TOX: variants seen among roughly 807,000 people sequenced by gnomAD.
TOX encodes thymocyte selection-associated high mobility group box protein TOX.
In TOX, 11 loss-of-function variants were observed where a neutral mutation model predicts 53.7. The observed-to-expected ratio is 0.20, with a 90% CI of 0.13 to 0.34. The LOEUF (loss-of-function observed/expected upper bound fraction) is 0.34, where lower values mean the gene tolerates loss of function less well. Ranked by LOEUF, TOX falls within the 10% of genes least tolerant of loss-of-function variation. The pLI, the probability that TOX is intolerant of heterozygous loss-of-function variation, is 1.00. For synonymous variants in TOX, 225 were observed against 245.3 expected (o/e 0.92, Z 0.77); for missense variants, 570 against 664.6 (o/e 0.86, Z 1.56).
chr8:59,060,410 G>A (rs534328250), intron 1 of TOX, among the ~76,000 whole-genome samples: 4 of 152,258 alleles, frequency 2.6e-5, no homozygotes, highest in Middle Eastern at 3.4e-3. Flanking sequence ...GGCAGATCAC[G>A]AGGTCAGGAG....
intron 1 of TOX, among the ~76,000 whole-genome samples, chr8:59,080,385 C>A (rs777320763): frequency 6.6e-6 from 1 of 152,022 alleles, no homozygotes; most frequent in Non-Finnish European, 1.5e-5. Flanking sequence ...CTATATTTTA[C>A]AGGCTCATAG....
chr8:59,032,904 C>A (rs1270414550), intron 1 of TOX, among the ~76,000 whole-genome samples: 2 of 151,890 alleles, frequency 1.3e-5, no homozygotes, highest in Non-Finnish European at 2.9e-5. Context: ...TGATGGCAGG[C>A]ACCTGTAATC....
At chr8:58,981,658 T>C (rs1813208115) in intron 1 of TOX, among the ~76,000 whole-genome samples, 1 of 152,204 alleles carries the variant, frequency 6.6e-6, no homozygotes, top group African/African-American at 2.4e-5. Context: ...GATCTTCTAA[T>C]ACTCAATCCC....
intron 1 of TOX, among the ~76,000 whole-genome samples, chr8:59,101,536 T>G (rs1321727789): frequency 6.6e-6 from 1 of 152,212 alleles, no homozygotes; most frequent in Non-Finnish European, 1.5e-5. Context: ...TGCAGACACA[T>G]AGTATTCATT....
chr8:59,093,765 T>C (rs979324335), intron 1 of TOX, among the ~76,000 whole-genome samples: 3 of 152,226 alleles, frequency 2.0e-5, no homozygotes, highest in African/African-American at 4.8e-5. Context: ...ATTGTTGAGC[T>C]ATAAATCCTA....
At chr8:59,046,402 ATTAACAC>A (rs1298735960) in intron 1 of TOX, among the ~76,000 whole-genome samples, 2 of 152,240 alleles carry the variant, frequency 1.3e-5, no homozygotes, top group Non-Finnish European at 2.9e-5. Context: ...CCCAAGCTGC[ATTAACAC>A]TTTCAGTCCT....
intron 1 of TOX, among the ~76,000 whole-genome samples, chr8:59,023,121 G>A (rs935641226): frequency 6.6e-6 from 1 of 152,160 alleles, no homozygotes; most frequent in Non-Finnish European, 1.5e-5. Flanking sequence ...AACCTGCTTT[G>A]AGGACCAATC....
intron 3 of TOX, among the ~76,000 whole-genome samples, chr8:58,907,553 C>T (rs1473344344): frequency 2.0e-5 from 3 of 152,064 alleles, no homozygotes; most frequent in Admixed American, 2.0e-4. Flanking sequence ...TGAGATCACA[C>T]CATTGCACTC....
rs939928199 is a variant in TOX, at chr8:59,117,950, T to C, written c.102+936A>G. 3.9e-5 allele frequency among the ~76,000 whole-genome samples: 6 copies of C among 152,176 alleles called. No homozygotes were observed. The highest frequency in any genetic ancestry group is 6.5e-5 in the Admixed American group (1 of 15,290). On this transcript the variant is annotated intron_variant, in intron 1 of 8. Coordinates refer to ENST00000361421, the MANE Select transcript of TOX (RefSeq NM_014729.3). This position sits in a 1 kb window ranked among gnomAD's most constrained non-coding sequence, Gnocchi z 4.6. ...GACCGGTCCCTGCGTGTCCTCCCTC[T>C]CTGGGATGAGAGAGTTCGAGAAGCC...
chr8:58,988,462 C>T (rs1251394709), intron 1 of TOX, among the ~76,000 whole-genome samples: 3 of 152,164 alleles, frequency 2.0e-5, no homozygotes, highest in Non-Finnish European at 4.4e-5. Context: ...AAAGCATTTA[C>T]TAGTCGGTCC....
intron 1 of TOX, among the ~76,000 whole-genome samples, chr8:59,107,003 C>G (rs1804918715): frequency 7.2e-6 from 1 of 139,692 alleles, no homozygotes; most frequent in Non-Finnish European, 1.5e-5. Flanking sequence ...AACTTTTTTT[C>G]CCCATTGAGA....
At chr8:58,898,526 A>G (rs1484069278) in intron 3 of TOX, among the ~76,000 whole-genome samples, 1 of 152,192 alleles carries the variant, frequency 6.6e-6, no homozygotes, top group Non-Finnish European at 1.5e-5. Context: ...ATCTGGTAGC[A>G]GAGCATCATG....
intron 1 of TOX, among the ~76,000 whole-genome samples, chr8:58,981,495 C>T (rs1223300305): frequency 6.6e-6 from 1 of 152,126 alleles, no homozygotes; most frequent in East Asian, 1.9e-4. Flanking sequence ...TTCAAAATCA[C>T]ATAATATTGC....
chr8:58,871,500 A>T (rs1000255830), intron 3 of TOX, among the ~76,000 whole-genome samples: 1 of 152,208 alleles, frequency 6.6e-6, no homozygotes, highest in African/African-American at 2.4e-5. Flanking sequence ...AAACAACCTC[A>T]TTGAAAGGAG....
At chr8:58,889,209 T>C (rs1164678685) in intron 3 of TOX, among the ~76,000 whole-genome samples, 4 of 33,466 alleles carry the variant, frequency 1.2e-4, no homozygotes, top group Non-Finnish European at 2.3e-4. Flanking sequence ...TTGTTTACAA[T>C]AGCAAAAAAA....
intron 2 of TOX, among the ~76,000 whole-genome samples, chr8:58,941,044 TCTG>T (rs1435596029): frequency 6.6e-6 from 1 of 152,154 alleles, no homozygotes; most frequent in African/African-American, 2.4e-5. Context: ...TATCTAAAGT[TCTG>T]CTAAAAAAAT....
chr8:58,926,003 C>T (rs191697171), intron 3 of TOX, among the ~76,000 whole-genome samples: 5 of 152,272 alleles, frequency 3.3e-5, no homozygotes, highest in South Asian at 2.1e-4. Context: ...AAATCCATCC[C>T]GGACTAAACT....
intron 3 of TOX, among the ~76,000 whole-genome samples, chr8:58,919,121 C>A (rs1233360724): frequency 6.6e-6 from 1 of 151,514 alleles, no homozygotes; most frequent in Non-Finnish European, 1.5e-5. Flanking sequence ...GTGAAAATGG[C>A]CATGCTGCCC....
chr8:59,071,814 C>T (rs921241880), intron 1 of TOX, among the ~76,000 whole-genome samples: 1 of 152,108 alleles, frequency 6.6e-6, no homozygotes, highest in Non-Finnish European at 1.5e-5. Context: ...CTCTGTCATG[C>T]TATGATTCAT....
Sources: allele counts gnomAD v4.1 joint callset (sites outside exome capture counted in the v4.1 genomes callset), GRCh38; gene constraint gnomAD v4.1.1; non-coding constraint Gnocchi (gnomAD v3.1); transcripts MANE v1.5; gene names NCBI Gene and HGNC (gene_info 2026-07-23, HGNC 2026-07-21).